PRKAR1B: variants seen among roughly 807,000 people sequenced by gnomAD.
The protein encoded by PRKAR1B is cAMP-dependent protein kinase type I-beta regulatory subunit.
PRKAR1B carries 22 observed loss-of-function variants against 46.5 expected under a neutral mutation model. The observed-to-expected ratio is 0.47, with a 90% CI of 0.34 to 0.68. PRKAR1B has a LOEUF of 0.68. Ranked by LOEUF, PRKAR1B falls within the 30% of genes least tolerant of loss-of-function variation. The pLI is 0.01. For missense variants in PRKAR1B, 445 were observed against 535.6 expected (o/e 0.83, Z 1.67); for synonymous variants, 259 against 217.7 (o/e 1.19, Z -1.67).
At chr7:637,679 C>G (rs1388350603) in intron 4 of PRKAR1B, among the ~76,000 whole-genome samples, 1 of 151,372 alleles carries the variant, frequency 6.6e-6, no homozygotes, top group Non-Finnish European at 1.5e-5. Context: ...ACTAAAAATA[C>G]AAAAAATTAG....
At chr7:727,022 A>T (rs1171107598) in intron 1 of PRKAR1B, 188 bp downstream of exon 1, 1 of 1,190,816 alleles carries the variant, frequency 8.4e-7, no homozygotes, top group African/African-American at 1.6e-5. Flanking sequence ...CACCTGCTGG[A>T]TCTGGGCCTG....
In PRKAR1B at chr7:658,073, C is replaced by T. The variant is rs749114695; in HGVS notation, c.440+19156G>A. Among the ~76,000 whole-genome samples, 133 of 152,202 alleles carry T rather than the reference C, an allele frequency of 8.7e-4. 1 individual carries two copies. The highest frequency in any genetic ancestry group is 1.4e-3 in the Non-Finnish European group (95 of 68,016). ...GCTCCGTGAGCCAGCATATGGACGG[C>T]GAATGTGCTACCCCAACCTCACCTA... is the stretch of plus-strand genomic sequence containing the variant. On this transcript the variant is annotated intron_variant, in intron 4 of 10. Transcript: ENST00000537384.
chr7:612,127 GGATGGATGGATGGATGTAAGGATGGAT>G (rs1164464729), intron 4 of PRKAR1B, among the ~76,000 whole-genome samples: 5 of 146,926 alleles, frequency 3.4e-5, no homozygotes. Flanking sequence ...GTAGATTAAT[GGATGGATGGATGGATGTAAGGATGGAT>G]GATGGATGGA....
At chr7:640,241 A>G (rs961634378) in intron 4 of PRKAR1B, among the ~76,000 whole-genome samples, 5 of 152,218 alleles carry the variant, frequency 3.3e-5, no homozygotes, top group African/African-American at 4.8e-5. Flanking sequence ...AAGAAAATGA[A>G]GACAGCAAAC....
intron 4 of PRKAR1B, among the ~76,000 whole-genome samples, chr7:612,607 G>T (rs528167748): frequency 6.6e-6 from 1 of 152,140 alleles, no homozygotes; most frequent in Non-Finnish European, 1.5e-5. Flanking sequence ...TTAGAGGAGA[G>T]GAAGGAAGGG....
intron 2 of PRKAR1B, among the ~76,000 whole-genome samples, chr7:687,724 C>T (rs1476174374): frequency 1.3e-5 from 2 of 152,142 alleles, no homozygotes; most frequent in African/African-American, 4.8e-5. Context: ...ACACAAACTC[C>T]CACACAGGAT....
intron 4 of PRKAR1B, among the ~76,000 whole-genome samples, chr7:631,732 G>A (rs937735760): frequency 6.6e-6 from 1 of 151,978 alleles, no homozygotes; most frequent in Admixed American, 6.6e-5. Context: ...GGAGAGGTTC[G>A]CTTGAGCCCA....
chr7:586,002 A>G (rs1388179366), intron 7 of PRKAR1B, among the ~76,000 whole-genome samples: 1 of 152,164 alleles, frequency 6.6e-6, no homozygotes, highest in African/African-American at 2.4e-5. Context: ...ACGCAGACAC[A>G]GTGGCATGTG....
intron 9 of PRKAR1B, among the ~76,000 whole-genome samples, chr7:576,174 C>T (rs552413596): frequency 1.1e-3 from 169 of 149,554 alleles, no homozygotes; most frequent in African/African-American, 3.4e-3. Flanking sequence ...CGGGCGTGCA[C>T]GCTGGCATCC....
intron 2 of PRKAR1B, among the ~76,000 whole-genome samples, chr7:699,976 G>A (rs772439476): frequency 6.6e-6 from 1 of 152,200 alleles, no homozygotes; most frequent in African/African-American, 2.4e-5. Context: ...GGACAGCGGC[G>A]TGGGCGGGGG....
chr7:665,870 C>T (rs954098806), intron 4 of PRKAR1B, among the ~76,000 whole-genome samples: 2 of 152,132 alleles, frequency 1.3e-5, no homozygotes, highest in African/African-American at 2.4e-5. Context: ...TGCAGAGATA[C>T]GCGGGTGGGA....
chr7:625,060 A>G (rs965976261), intron 4 of PRKAR1B, among the ~76,000 whole-genome samples: 3 of 152,236 alleles, frequency 2.0e-5, no homozygotes, highest in East Asian at 3.8e-4. Context: ...CATATAGTGC[A>G]TGCTCTCACA....
intron 2 of PRKAR1B, among the ~76,000 whole-genome samples, chr7:681,159 A>G (rs1778660659): frequency 6.6e-6 from 1 of 152,076 alleles, no homozygotes; most frequent in African/African-American, 2.4e-5. Flanking sequence ...CCTTGTGAAG[A>G]AGCGGCTCTG....
intron 7 of PRKAR1B, among the ~76,000 whole-genome samples, chr7:590,189 C>G (rs921417464): frequency 6.6e-6 from 1 of 152,252 alleles, no homozygotes; most frequent in Non-Finnish European, 1.5e-5. Context: ...GTGGCTCCCA[C>G]AGCCCTGAGC....
In PRKAR1B at chr7:602,050, G is replaced by A. The variant is rs969735156; in HGVS notation, c.549+4143C>T. Among the ~76,000 whole-genome samples, 5 of 152,134 alleles carry A rather than the reference G, an allele frequency of 3.3e-5. No individual in the cohort carries two copies. Among genetic ancestry groups the A allele is most frequent in the Admixed American group, 2.6e-4 (4 of 15,288 alleles). On this transcript the variant is annotated intron_variant, in intron 6 of 10. Coordinates refer to ENST00000537384, the MANE Select transcript of PRKAR1B (RefSeq NM_001164760.2). This position sits in a 1 kb window ranked among gnomAD's most constrained non-coding sequence, Gnocchi z 6.4. Reference sequence around the variant, plus strand: ...CTCAAAATTGCCTCCCAACGTCCCCGGGCCTGGCGAGAAGCCAGGCAGGAC... The same window carrying A: ...CTCAAAATTGCCTCCCAACGTCCCCAGGCCTGGCGAGAAGCCAGGCAGGAC...
chr7:727,230 G>A lies in PRKAR1B; in HGVS notation c.-43C>T, dbSNP rs1231948726. 6.7e-6 allele frequency: 9 copies of A among 1,348,392 alleles called. No homozygotes were observed. The highest frequency in any genetic ancestry group is 7.6e-6 in the Non-Finnish European group (8 of 1,050,522). The allele number at this position is 1,348,392 out of a possible 1,614,324, so 83.5% of individuals were successfully genotyped here. On this transcript the variant is annotated 5_prime_UTR_variant, in exon 1 of 11. Transcript: ENST00000537384. ...CCCACCTGGACGACGCTCTGCGCGCGCTGCGCTGCTCCCTGCTCGACCCCT... is the reference window on the plus strand; with the variant it reads ...CCCACCTGGACGACGCTCTGCGCGCACTGCGCTGCTCCCTGCTCGACCCCT...
At chr7:654,600 CCATCACCAT>C (rs1236869211) in intron 4 of PRKAR1B, among the ~76,000 whole-genome samples, 2 of 149,430 alleles carry the variant, frequency 1.3e-5, no homozygotes, top group Non-Finnish European at 3.0e-5. Context: ...ACCACCTTCA[CCATCACCAT>C]CATCACCATC....
At chr7:700,943 T>C (rs150284383) in intron 2 of PRKAR1B, among the ~76,000 whole-genome samples, 4,839 of 152,086 alleles carry the variant, frequency 0.032, 277 homozygotes, top group African/African-American at 0.11. Context: ...ATCCCAGCAC[T>C]TTGGGAGGCC....
chr7:705,434 G>A (rs984387655), intron 2 of PRKAR1B, among the ~76,000 whole-genome samples: 8 of 151,778 alleles, frequency 5.3e-5, no homozygotes, highest in Admixed American at 3.3e-4. Flanking sequence ...CAAGAATCAC[G>A]GCTGCTTGGA....
Sources: gnomAD v4.1 joint callset for allele counts (sites outside exome capture counted in the v4.1 genomes callset) on GRCh38, gnomAD v4.1.1 for gene constraint, Gnocchi (gnomAD v3.1) non-coding constraint, MANE v1.5 for transcripts, NCBI Gene and HGNC (gene_info 2026-07-23, HGNC 2026-07-21) for gene names.